The following HDAC4 variants were observed in gnomAD, a reference collection of about 807,000 sequenced individuals.
HDAC4 encodes the protein histone deacetylase 4, also known as histone deacetylase A.
Under a neutral mutation model 135.1 loss-of-function variants are expected in HDAC4, and 16 were observed. That is an observed-to-expected ratio of 0.12 (90% CI 0.08 to 0.18). The LOEUF is 0.18. HDAC4 is among the 10% of genes least tolerant of loss of function. HDAC4 has a pLI of 1.00. For synonymous variants in HDAC4, 685 were observed against 653.4 expected (o/e 1.05, Z -0.74); for missense variants, 1,143 against 1,511.8 (o/e 0.76, Z 4.05).
At chr2:239,321,283 G>A (rs62182105) in intron 2 of HDAC4, among the ~76,000 whole-genome samples, 50,269 of 151,696 alleles carry the variant, frequency 0.33, 9,374 homozygotes, top group Non-Finnish European at 0.43. Flanking sequence ...GGCTCACACG[G>A]TGAAACCCCG....
chr2:239,174,433 A>G (rs1437916859), intron 5 of HDAC4, among the ~76,000 whole-genome samples: 1 of 152,202 alleles, frequency 6.6e-6, no homozygotes, highest in Non-Finnish European at 1.5e-5. Context: ...AAACTATCTT[A>G]TTGGTAATCA....
chr2:239,122,354 G>A (rs150141261), intron 12 of HDAC4, among the ~76,000 whole-genome samples: 142 of 152,232 alleles, frequency 9.3e-4, no homozygotes, highest in African/African-American at 3.3e-3. Flanking sequence ...GAGGTATTTC[G>A]CCTGGACACA....
intron 24 of HDAC4, among the ~76,000 whole-genome samples, chr2:239,058,695 A>AT (rs1199816608): frequency 1.3e-5 from 2 of 152,236 alleles, no homozygotes; most frequent in Non-Finnish European, 2.9e-5. Context: ...AAATGTCTAT[A>AT]TTTAGTAAAG....
chr2:239,348,039 G>A (rs924461297), intron 2 of HDAC4, among the ~76,000 whole-genome samples: 1 of 131,300 alleles, frequency 7.6e-6, no homozygotes, highest in Non-Finnish European at 1.6e-5. Flanking sequence ...CAAATCCACT[G>A]CTTCCTATCG....
In HDAC4 at chr2:239,134,528, G is replaced by A. The variant is rs114673739; in HGVS notation, c.1094C>T (p.Ala365Val). The A allele has an allele frequency of 9.5e-5, 153 of 1,613,814 alleles. No homozygotes were observed. In the African/African-American group the frequency reaches 1.5e-3, roughly 16 times the overall value. The change falls in exon 10 of 27, where the codon GCG becomes GTG. Residue 365 changes from alanine (A) to valine (V), a missense_variant and splice_region_variant. By Grantham distance (64) the Ala-to-Val change is moderately conservative. Coordinates refer to ENST00000543185, the MANE Select transcript of HDAC4 (RefSeq NM_001378414.1). ...TLGLPATGPS[A>V]GTAGQQDAER... is the part of the protein sequence containing the mutation. ...ACGGACCCACGGGGGCTGACTTACC[G>A]CAGAGGGGCCGGTGGCAGGCAGGCC... is the stretch of plus-strand genomic sequence containing the variant.
In HDAC4 at chr2:239,175,582, C is replaced by A. The variant is rs145548278; in HGVS notation, c.490+831G>T. ...ATGCTGGTCTCCAGATGTACAAACA[C>A]AGCCCCCACAGAAGGCAAAATTCAG... On this transcript the variant is annotated intron_variant, in intron 5 of 26. Transcript: ENST00000543185. Among the ~76,000 whole-genome samples the A allele has an allele frequency of 5.2e-3, 788 of 152,350 alleles. 9 individuals carry two copies. Among genetic ancestry groups the A allele is most frequent in the African/African-American group, 0.018 (733 of 41,574 alleles).
intron 18 of HDAC4, 43 bp downstream of exon 18, chr2:239,089,966 G>T: frequency 1.4e-6 from 2 of 1,406,620 alleles, no homozygotes; most frequent in Non-Finnish European, 2.0e-6. Context: ...GGAATCTATG[G>T]CAGGCCTCCT....
chr2:239,230,617 C>A (rs907210372), intron 3 of HDAC4, among the ~76,000 whole-genome samples: 5 of 152,162 alleles, frequency 3.3e-5, no homozygotes, highest in Non-Finnish European at 7.4e-5. Context: ...GGGGGCCACT[C>A]GAGGAACCAC....
At chr2:239,297,571 A>G (rs533955525) in intron 2 of HDAC4, among the ~76,000 whole-genome samples, 2 of 152,308 alleles carry the variant, frequency 1.3e-5, no homozygotes, top group East Asian at 3.9e-4. Context: ...GAGGGAATCC[A>G]AAGCAGGACA....
At chr2:239,360,868 C>T (rs1194483660) in intron 1 of HDAC4, among the ~76,000 whole-genome samples, 2 of 152,180 alleles carry the variant, frequency 1.3e-5, no homozygotes, top group South Asian at 4.1e-4. Context: ...TCATCGGCAT[C>T]CCTGGTGTGC....
intron 1 of HDAC4, among the ~76,000 whole-genome samples, chr2:239,356,165 A>G (rs531766477): frequency 6.6e-6 from 1 of 152,334 alleles, no homozygotes; most frequent in South Asian, 2.1e-4. Context: ...TTTTAAAAAT[A>G]TATATATAAT....
chr2:239,075,623 G>T (rs540703461), intron 22 of HDAC4, among the ~76,000 whole-genome samples: 1 of 152,320 alleles, frequency 6.6e-6, no homozygotes, highest in East Asian at 1.9e-4. Flanking sequence ...TTCTCCTCGC[G>T]GTGGCCTCTG....
intron 11 of HDAC4, among the ~76,000 whole-genome samples, chr2:239,131,783 G>A (rs1016679687): frequency 2.0e-5 from 3 of 152,248 alleles, no homozygotes; most frequent in African/African-American, 7.2e-5. Context: ...GCCGTGGGCC[G>A]TGCACTGGAT....
In HDAC4 at chr2:239,299,684, G is replaced by A. The variant is rs565866017; in HGVS notation, c.22+52994C>T. 1.1e-3 allele frequency among the ~76,000 whole-genome samples: 162 copies of A among 152,300 alleles called. No individual in the cohort carries two copies. Among genetic ancestry groups the A allele is most frequent in the Middle Eastern group, 3.4e-3 (1 of 294 alleles). ...TGAGAAGCGTCATGGGTAGAATCAC[G>A]GAGCAAGGTCCTGCCCACCTGCACT... is the stretch of plus-strand genomic sequence containing the variant. On this transcript the variant is annotated intron_variant, in intron 2 of 26. Transcript: ENST00000543185. The surrounding 1 kb of genome is among the most constrained non-coding windows in gnomAD (Gnocchi z 4.0).
At chr2:239,219,983 T>C (rs1245682156) in intron 3 of HDAC4, among the ~76,000 whole-genome samples, 1 of 152,208 alleles carries the variant, frequency 6.6e-6, no homozygotes, top group Admixed American at 6.5e-5. Context: ...AGGATGGGAA[T>C]AGTACAATTC....
chr2:239,277,953 C>T (rs1218205455), intron 2 of HDAC4, among the ~76,000 whole-genome samples: 11 of 151,780 alleles, frequency 7.2e-5, no homozygotes, highest in East Asian at 1.9e-4. Context: ...GCCACACACT[C>T]GGCTCCCCGT....
intron 1 of HDAC4, among the ~76,000 whole-genome samples, chr2:239,353,877 C>T (rs541755160): frequency 6.6e-6 from 1 of 152,330 alleles, no homozygotes; most frequent in South Asian, 2.1e-4. Flanking sequence ...CATAGACATT[C>T]GTAGTCACAA....
At chr2:239,092,120 T>C (rs2036574613) in intron 17 of HDAC4, among the ~76,000 whole-genome samples, 1 of 151,656 alleles carries the variant, frequency 6.6e-6, no homozygotes, top group African/African-American at 2.4e-5. Flanking sequence ...GGGCCTGTAG[T>C]CCCCACAACT....
intron 5 of HDAC4, among the ~76,000 whole-genome samples, chr2:239,175,607 G>A (rs2043715523): frequency 6.6e-6 from 1 of 152,234 alleles, no homozygotes; most frequent in African/African-American, 2.4e-5. Flanking sequence ...GCAAAATTCA[G>A]AGTGGAAGGA....
Sources: allele counts gnomAD v4.1 joint callset (sites outside exome capture counted in the v4.1 genomes callset), GRCh38; gene constraint gnomAD v4.1.1; non-coding constraint Gnocchi (gnomAD v3.1); transcripts MANE v1.5; gene names NCBI Gene and HGNC (gene_info 2026-07-23, HGNC 2026-07-21).